Variants in ERI3 observed in about 807,000 individuals in gnomAD.
ERI3 encodes ERI1 exoribonuclease family member 3, also known as ERI1 exoribonuclease 3.
Under a neutral mutation model 44.4 loss-of-function variants are expected in ERI3, and 18 were observed. The observed-to-expected ratio is 0.41, with a 90% CI of 0.28 to 0.60. The LOEUF (loss-of-function observed/expected upper bound fraction) is 0.60, where lower values mean the gene tolerates loss of function less well. ERI3 is among the 20% of genes least tolerant of loss of function. The pLI is 0.36. For synonymous variants in ERI3, 183 were observed against 164.8 expected, an observed-to-expected ratio of 1.11 and a Z score of -0.84; for missense variants, 294 against 435.5, an observed-to-expected ratio of 0.68 and a Z score of 2.89.
intron 7 of ERI3, chr1:44,283,909 C>G (rs914463010): frequency 4.5e-6 from 2 of 440,304 alleles, no homozygotes; most frequent in Admixed American, 2.5e-5. Flanking sequence ...ATGCCCAGGT[C>G]AAGACTCAAA....
intron 7 of ERI3, among the ~76,000 whole-genome samples, chr1:44,275,304 G>A (rs1483249738): frequency 6.6e-6 from 1 of 152,136 alleles, no homozygotes; most frequent in Non-Finnish European, 1.5e-5. Context: ...CTGGCTAGCA[G>A]GGTTTTGGAT....
chr1:44,254,174 G>A (rs1276704738), intron 7 of ERI3, among the ~76,000 whole-genome samples: 2 of 152,086 alleles, frequency 1.3e-5, no homozygotes, highest in African/African-American at 4.8e-5. Context: ...AGATAACCCA[G>A]CCATGGACGT....
At chr1:44,344,474 C>A (rs767330075) in intron 2 of ERI3, among the ~76,000 whole-genome samples, 1 of 152,040 alleles carries the variant, frequency 6.6e-6, no homozygotes, top group African/African-American at 2.4e-5. Context: ...TCAGAAGAGC[C>A]CCTACTCAAT....
chr1:44,249,214 G>A (rs1044348303), intron 7 of ERI3, among the ~76,000 whole-genome samples: 8 of 152,178 alleles, frequency 5.3e-5, no homozygotes, highest in Non-Finnish European at 8.8e-5. Flanking sequence ...CCAGTGGCAG[G>A]ACAGCGTACA....
intron 2 of ERI3, among the ~76,000 whole-genome samples, chr1:44,348,560 A>G (rs1646829844): frequency 6.6e-6 from 1 of 152,228 alleles, no homozygotes; most frequent in Non-Finnish European, 1.5e-5. Flanking sequence ...TGGTAACCCA[A>G]GGCTCCTCAA....
chr1:44,222,794 CT>C (rs1228628642), intron 8 of ERI3, among the ~76,000 whole-genome samples: 2 of 152,242 alleles, frequency 1.3e-5, no homozygotes, highest in Admixed American at 1.3e-4. Flanking sequence ...CACCACCAAC[CT>C]TCATAGGATC....
intron 8 of ERI3, among the ~76,000 whole-genome samples, chr1:44,246,891 TC>T (rs973419677): frequency 4.7e-4 from 71 of 151,126 alleles, no homozygotes; most frequent in Non-Finnish European, 8.1e-4. Context: ...CTCTCTCCAG[TC>T]CCCCCCCACA....
chr1:44,293,797 C>A (rs1645556679), intron 6 of ERI3, among the ~76,000 whole-genome samples: 1 of 152,162 alleles, frequency 6.6e-6, no homozygotes, highest in Non-Finnish European at 1.5e-5. Context: ...GATCACCTCA[C>A]TGTCTCCTGT....
At chr1:44,230,934 C>G (rs1180231290) in intron 8 of ERI3, among the ~76,000 whole-genome samples, 1 of 152,118 alleles carries the variant, frequency 6.6e-6, no homozygotes, top group Non-Finnish European at 1.5e-5. Context: ...ATAACAATAA[C>G]AAGGTTATTA....
At chr1:44,247,771 TTCAG>T (rs1429463404) in intron 8 of ERI3, among the ~76,000 whole-genome samples, 164 bp downstream of exon 8, 1 of 152,026 alleles carries the variant, frequency 6.6e-6, no homozygotes, top group East Asian at 1.9e-4. Context: ...AGTGGTCCCA[TTCAG>T]TAATTTTCTC....
At chr1:44,344,479 C>T (rs1044233281) in intron 2 of ERI3, among the ~76,000 whole-genome samples, 8 of 152,104 alleles carry the variant, frequency 5.3e-5, no homozygotes, top group Non-Finnish European at 8.8e-5. Flanking sequence ...AGAGCCCCTA[C>T]TCAATGCCCA....
intron 6 of ERI3, among the ~76,000 whole-genome samples, chr1:44,288,199 C>A (rs982990057): frequency 6.6e-6 from 1 of 152,152 alleles, no homozygotes; most frequent in Non-Finnish European, 1.5e-5. Context: ...CAGCAGCAGT[C>A]CTGAGTGCCA....
At chr1:44,302,612 C>G (rs1222568168) in intron 6 of ERI3, among the ~76,000 whole-genome samples, 1 of 152,226 alleles carries the variant, frequency 6.6e-6, no homozygotes, top group African/African-American at 2.4e-5. Context: ...TAATCATCCC[C>G]ACCACATCTC....
At chr1:44,282,774 C>T (rs1270605428) in intron 7 of ERI3, among the ~76,000 whole-genome samples, 2 of 152,226 alleles carry the variant, frequency 1.3e-5, no homozygotes, top group Non-Finnish European at 2.9e-5. Context: ...CAGCTTACCT[C>T]ACACGAGGAA....
chr1:44,273,409 T>G (rs1016636906), intron 7 of ERI3, among the ~76,000 whole-genome samples: 2 of 152,256 alleles, frequency 1.3e-5, no homozygotes, highest in Admixed American at 1.3e-4. Flanking sequence ...CACCTCTTCC[T>G]GGCTATGTGC....
At chr1:44,286,177 G>T (rs1181431677) in intron 6 of ERI3, among the ~76,000 whole-genome samples, 1 of 152,110 alleles carries the variant, frequency 6.6e-6, no homozygotes, top group Non-Finnish European at 1.5e-5. Flanking sequence ...GCCAGCATTT[G>T]GTCAATTTTA....
At chr1:44,284,994 C>T (rs1031357353) in intron 6 of ERI3, 87 bp from the exon 7 acceptor site, 2 of 1,137,680 alleles carry the variant, frequency 1.8e-6, no homozygotes, top group Non-Finnish European at 2.6e-6. Context: ...ACAGAGCATA[C>T]AAGACAAACA....
At chr1:44,269,605 T>C (rs188884284) in intron 7 of ERI3, among the ~76,000 whole-genome samples, 1 of 152,334 alleles carries the variant, frequency 6.6e-6, no homozygotes, top group East Asian at 1.9e-4. Flanking sequence ...CACAGTGGTG[T>C]CACTCTCAAG....
At chr1:44,332,353 A>T (rs1039763723) in intron 3 of ERI3, among the ~76,000 whole-genome samples, 8 of 152,134 alleles carry the variant, frequency 5.3e-5, no homozygotes, top group Non-Finnish European at 1.0e-4. Context: ...CATCAGGATA[A>T]TAAGAGGCTA....
Sources: allele counts gnomAD v4.1 joint callset (sites outside exome capture counted in the v4.1 genomes callset), GRCh38; gene constraint gnomAD v4.1.1; transcripts MANE v1.5; gene names NCBI Gene and HGNC (gene_info 2026-07-23, HGNC 2026-07-21).